Variants in AGBL1 observed in about 807,000 individuals in gnomAD.
AGBL1 encodes cytosolic carboxypeptidase 4.
Under a neutral mutation model 118.9 loss-of-function variants are expected in AGBL1, and 130 were observed. The ratio of observed to expected loss-of-function variants is 1.09; its 90% CI spans 0.95 to 1.26. The LOEUF (loss-of-function observed/expected upper bound fraction) is 1.26, where lower values mean the gene tolerates loss of function less well. AGBL1 is among the 50% of genes most tolerant of loss of function. AGBL1 has a pLI of 0.00. For missense variants in AGBL1, 1,584 were observed against 1,298.1 expected (o/e 1.22, Z -3.38); for synonymous variants, 555 against 478.9 (o/e 1.16, Z -2.08).
At chr15:86,352,331 C>A (rs1028719697) in intron 17 of AGBL1, among the ~76,000 whole-genome samples, 5 of 152,124 alleles carry the variant, frequency 3.3e-5, no homozygotes, top group African/African-American at 1.2e-4. Context: ...TTTTATTGAC[C>A]TCTTGGAATC....
At chr15:86,389,785 A>G (rs2141977759) in intron 17 of AGBL1, among the ~76,000 whole-genome samples, 1 of 152,268 alleles carries the variant, frequency 6.6e-6, no homozygotes, top group Non-Finnish European at 1.5e-5. Context: ...TGTATAACTT[A>G]AGCTAATAGA....
chr15:86,268,009 T>C (rs1191669610), intron 13 of AGBL1, among the ~76,000 whole-genome samples: 4 of 152,176 alleles, frequency 2.6e-5, no homozygotes, highest in African/African-American at 7.2e-5. Context: ...ACCTACTACT[T>C]TGGGATTTCA....
chr15:86,939,866 T>C (rs1228030504), intron 23 of AGBL1: 1 of 105,612 alleles, frequency 9.5e-6, no homozygotes, highest in Non-Finnish European at 2.2e-5. Context: ...GAGAATAGAG[T>C]ACGCTGTTTC....
rs376618402 is a variant in AGBL1 at position 86,631,906 on chromosome 15, C to T, written c.2995-42367C>T. On this transcript the variant is annotated intron_variant, in intron 21 of 22. Transcript: ENST00000614907. ...TACTAGTTTTAAAAGTTAATTAGGTCGGCCAGGTGCTGTGGCTCACACCTG... is the reference window on the plus strand; with the variant it reads ...TACTAGTTTTAAAAGTTAATTAGGTTGGCCAGGTGCTGTGGCTCACACCTG... Among the ~76,000 whole-genome samples, 347 of 152,184 alleles carry T rather than the reference C, an allele frequency of 2.3e-3. 3 individuals carry two copies. The highest frequency in any genetic ancestry group is 8.1e-3 in the African/African-American group (335 of 41,526).
At chr15:86,280,955 G>T (rs564393890) in intron 16 of AGBL1, among the ~76,000 whole-genome samples, 2 of 152,274 alleles carry the variant, frequency 1.3e-5, no homozygotes, top group South Asian at 2.1e-4. Context: ...AGTAATGTGC[G>T]TTGCAAGCTA....
chr15:86,876,621 TAGTA>T (rs760800463), intron 22 of AGBL1, among the ~76,000 whole-genome samples: 60 of 152,202 alleles, frequency 3.9e-4, no homozygotes, highest in Non-Finnish European at 8.1e-4. Flanking sequence ...CTGCAAAGAG[TAGTA>T]AGTATTTTTA....
intron 18 of AGBL1, among the ~76,000 whole-genome samples, chr15:86,507,080 A>C (rs1423128468): frequency 6.6e-6 from 1 of 152,096 alleles, no homozygotes; most frequent in Non-Finnish European, 1.5e-5. Flanking sequence ...CATATTGCAA[A>C]AATGACTCCC....
chr15:86,155,256 C>T (rs1397402366), intron 4 of AGBL1, among the ~76,000 whole-genome samples: 4 of 152,170 alleles, frequency 2.6e-5, no homozygotes, highest in Non-Finnish European at 4.4e-5. Context: ...TCGCTTGAGC[C>T]CAGGCATTTG....
chr15:86,356,700 A>G (rs539261245), intron 17 of AGBL1, among the ~76,000 whole-genome samples: 1 of 152,274 alleles, frequency 6.6e-6, no homozygotes, highest in East Asian at 1.9e-4. Flanking sequence ...TCCTGAGACA[A>G]GTTTTTTGAG....
rs1268676442 is a variant in AGBL1 at position 86,215,215 on chromosome 15, ATATGTATGCGTGTGTG to A, written c.489-9697_489-9682del. 4.9e-5 allele frequency among the ~76,000 whole-genome samples: 6 copies of A among 123,076 alleles called. No homozygotes were observed. The East Asian group carries it at 1.5e-3, about 30-fold the overall frequency. The allele number at this position is 123,076 out of a possible 152,430, so 80.7% of individuals were successfully genotyped here. A position where few individuals can be genotyped will look rare whatever the true frequency, so the allele number is the denominator to read the frequency against. ...TGGCTCTGTGTGTGTGTGTGAGTGT[ATATGTATGCGTGTGTG>A]TGTGTGTGTGTGTGTGTGTGTGTGT... On this transcript the variant is annotated intron_variant, in intron 5 of 22. Transcript: ENST00000614907.
intron 18 of AGBL1, among the ~76,000 whole-genome samples, chr15:86,487,470 C>G (rs1440931253): frequency 1.3e-5 from 2 of 151,960 alleles, no homozygotes; most frequent in African/African-American, 4.8e-5. Context: ...TTGTAGTAGG[C>G]TGGATCAATG....
At chr15:86,792,211 A>C (rs1596484961) in intron 22 of AGBL1, among the ~76,000 whole-genome samples, 1 of 152,336 alleles carries the variant, frequency 6.6e-6, no homozygotes, top group African/African-American at 2.4e-5. Flanking sequence ...AGAACAGAGT[A>C]CTTTACTTTT....
At chr15:86,264,918 T>A in intron 11 of AGBL1, 80 bp downstream of exon 11, 1 of 1,262,714 alleles carries the variant, frequency 7.9e-7, no homozygotes, top group Non-Finnish European at 1.1e-6. Context: ...TACAGATAAT[T>A]CTACTATCTA....
intron 24 of AGBL1, among the ~76,000 whole-genome samples, chr15:87,011,796 T>G (rs1276622481): frequency 6.6e-6 from 1 of 152,232 alleles, no homozygotes. Flanking sequence ...CTTAGCCACT[T>G]GTTTAAGATA....
At chr15:86,532,348 C>T (rs1283589776) in intron 19 of AGBL1, among the ~76,000 whole-genome samples, 1 of 151,250 alleles carries the variant, frequency 6.6e-6, no homozygotes, top group Non-Finnish European at 1.5e-5. Context: ...CATGAGTGAA[C>T]TCCCATTCAC....
At chr15:86,238,633 T>A (rs2078592646) in intron 6 of AGBL1, among the ~76,000 whole-genome samples, 1 of 152,138 alleles carries the variant, frequency 6.6e-6, no homozygotes, top group South Asian at 2.1e-4. Context: ...ATGCTGTCAG[T>A]TACAATGAAA....
intron 22 of AGBL1, among the ~76,000 whole-genome samples, chr15:86,782,699 T>C (rs561039027): frequency 6.6e-6 from 1 of 152,252 alleles, no homozygotes; most frequent in Non-Finnish European, 1.5e-5. Context: ...TCGATCAAGG[T>C]AGGGATAGGT....
chr15:86,316,220 C>G (rs1302885847), intron 17 of AGBL1, among the ~76,000 whole-genome samples: 1 of 152,182 alleles, frequency 6.6e-6, no homozygotes, highest in Non-Finnish European at 1.5e-5. Flanking sequence ...AGTGTCCTAT[C>G]TTAATGACTG....
chr15:86,537,451 C>G (rs2142233175), intron 19 of AGBL1, among the ~76,000 whole-genome samples: 2 of 152,298 alleles, frequency 1.3e-5, no homozygotes, highest in Admixed American at 1.3e-4. Flanking sequence ...CCTTCAATGT[C>G]TGAAACTGGG....
Sources: allele counts gnomAD v4.1 joint callset (sites outside exome capture counted in the v4.1 genomes callset), GRCh38; gene constraint gnomAD v4.1.1; transcripts MANE v1.5; gene names NCBI Gene and HGNC (gene_info 2026-07-23, HGNC 2026-07-21).